The following GATB variants were observed in gnomAD, a reference collection of about 807,000 sequenced individuals.
The protein encoded by GATB is glutamyl-tRNA(Gln) amidotransferase subunit B, mitochondrial.
GATB carries 39 observed loss-of-function variants against 62.3 expected under a neutral mutation model. That is an observed-to-expected ratio of 0.63 (90% CI 0.48 to 0.82). The LOEUF (loss-of-function observed/expected upper bound fraction) is 0.82. Ranked by LOEUF, GATB falls within the 40% of genes least tolerant of loss-of-function variation. The pLI, the probability that GATB is intolerant of heterozygous loss-of-function variation, is 0.00. For missense variants in GATB, 670 were observed against 684.0 expected, an observed-to-expected ratio of 0.98 and a Z score of 0.23; for synonymous variants, 276 against 258.9, an observed-to-expected ratio of 1.07 and a Z score of -0.63.
chr4:151,740,892 T>C (rs1289251591), intron 2 of GATB, among the ~76,000 whole-genome samples: 2 of 152,146 alleles, frequency 1.3e-5, no homozygotes, highest in East Asian at 1.9e-4. Context: ...GAGACAAAAA[T>C]AGTGTCACAG....
chr4:151,731,815 G>A (rs1459803156), intron 2 of GATB, among the ~76,000 whole-genome samples: 1 of 151,240 alleles, frequency 6.6e-6, no homozygotes, highest in Admixed American at 6.6e-5. Flanking sequence ...CCCCGTCTGA[G>A]AAGTGAGGAG....
intron 1 of GATB, among the ~76,000 whole-genome samples, chr4:151,759,745 T>C (rs1305836651): frequency 1.3e-5 from 2 of 152,184 alleles, no homozygotes; most frequent in Non-Finnish European, 1.5e-5. Flanking sequence ...ATGAAATCCA[T>C]GTATGTTCCT....
intron 2 of GATB, chr4:151,722,482 A>G (rs572555593): frequency 2.6e-5 from 11 of 430,312 alleles, no homozygotes; most frequent in South Asian, 1.5e-4. Context: ...TCCTGCCTAC[A>G]TCTTCAATTT....
chr4:151,695,077 C>T (rs184355236), intron 9 of GATB, among the ~76,000 whole-genome samples: 350 of 152,312 alleles, frequency 2.3e-3, no homozygotes, highest in Non-Finnish European at 4.0e-3. Flanking sequence ...GCCCAGGGTG[C>T]TGATTCGAGG....
chr4:151,686,074 A>C (rs935660673), intron 10 of GATB, among the ~76,000 whole-genome samples: 5 of 151,404 alleles, frequency 3.3e-5, no homozygotes, highest in Non-Finnish European at 7.4e-5. Flanking sequence ...AAAACAAAAA[A>C]AAGACAAAGA....
chr4:151,679,994 T>G lies in GATB; in HGVS notation c.1332-103A>C, dbSNP rs907237. On this transcript the variant is annotated intron_variant, in intron 10 of 12. Coordinates refer to ENST00000263985, the MANE Select transcript of GATB (RefSeq NM_004564.3). ...ACACTTGCTCTAGTGGGGGTAAATA[T>G]CGGACCCACGCCTAGGGATGAAAAC... The G allele has an allele frequency of 0.51, 501,936 of 977,720 alleles. 131,789 individuals carry two copies. Among genetic ancestry groups the G allele is most frequent in the African/African-American group, 0.77 (48,127 of 62,750 alleles). The allele number at this position is 977,720 out of a possible 1,614,324, so 60.6% of individuals were successfully genotyped here.
intron 2 of GATB, among the ~76,000 whole-genome samples, chr4:151,753,801 A>G (rs1367646790): frequency 1.3e-5 from 2 of 151,860 alleles, no homozygotes; most frequent in Non-Finnish European, 2.9e-5. Flanking sequence ...CAATATTAAG[A>G]AAGACATGAC....
In GATB at chr4:151,712,118, A is replaced by C. The variant is rs554085191; in HGVS notation, c.763+3891T>G. ...ATTTAGAATTCTAATTTGGAAGAGG[A>C]ATAAAAGCATGAGTTTCGGTCTCTC... On this transcript the variant is annotated intron_variant, in intron 5 of 12. Coordinates refer to ENST00000263985, the MANE Select transcript of GATB (RefSeq NM_004564.3). 3.3e-5 allele frequency among the ~76,000 whole-genome samples: 5 copies of C among 152,318 alleles called. No homozygotes were observed. The South Asian group carries it at 1.0e-3, about 32-fold the overall frequency.
rs565154494 is a variant in GATB at position 151,717,048 on chromosome 4, C to T, written c.468G>A (p.Arg156=). 3.7e-6 allele frequency: 6 copies of T among 1,614,120 alleles called. No individual in the cohort carries two copies. Among genetic ancestry groups the T allele is most frequent in the Non-Finnish European group, 5.1e-6 (6 of 1,180,032 alleles). The part of the protein sequence containing the change: ...LPAGYQITQQ[R]LPIAVNGSLI... ...AGCTCCCATTCACAGCAATTGGGAG[C>T]CTCTGCTGGGTAATTTGGTAGCCTG... The change falls in exon 4 of 13, where the codon AGG becomes AGA. Residue 156 remains arginine, a synonymous_variant. Coordinates refer to ENST00000263985, the MANE Select transcript of GATB (RefSeq NM_004564.3).
chr4:151,710,100 C>T (rs964374571), intron 5 of GATB, among the ~76,000 whole-genome samples: 1 of 152,144 alleles, frequency 6.6e-6, no homozygotes, highest in South Asian at 2.1e-4. Context: ...TGGTGGGTCC[C>T]CTAAACTATC....
At chr4:151,760,507 T>C (rs142111024) in intron 1 of GATB, among the ~76,000 whole-genome samples, 21 of 152,336 alleles carry the variant, frequency 1.4e-4, no homozygotes, top group Middle Eastern at 3.4e-3. Flanking sequence ...CCACTGCTAG[T>C]GCTATTAGTA....
chr4:151,748,518 G>C (rs1485153254), intron 2 of GATB, among the ~76,000 whole-genome samples: 1 of 152,012 alleles, frequency 6.6e-6, no homozygotes, highest in African/African-American at 2.4e-5. Flanking sequence ...AATTCAAGAT[G>C]GATTAAAGAC....
chr4:151,672,551 T>A (rs1412839785), intron 12 of GATB: 9 of 559,822 alleles, frequency 1.6e-5, no homozygotes, highest in Non-Finnish European at 2.8e-5. Flanking sequence ...GGTGGCATCC[T>A]TCTTATAGGA....
At chr4:151,708,685 A>G (rs1738762768) in intron 5 of GATB, among the ~76,000 whole-genome samples, 1 of 152,226 alleles carries the variant, frequency 6.6e-6, no homozygotes, top group Admixed American at 6.5e-5. Context: ...TTCCTTCCAC[A>G]AACATGACTC....
intron 2 of GATB, among the ~76,000 whole-genome samples, chr4:151,747,292 A>G (rs1739622102): frequency 1.3e-5 from 2 of 152,184 alleles, no homozygotes; most frequent in Admixed American, 1.3e-4. Context: ...TGTGAGCCAA[A>G]AAATTCTAGT....
intron 2 of GATB, among the ~76,000 whole-genome samples, chr4:151,756,432 G>A (rs897621292): frequency 6.6e-6 from 1 of 152,198 alleles, no homozygotes; most frequent in African/African-American, 2.4e-5. Context: ...GAATGGCAAT[G>A]CTTAATTCTG....
At chr4:151,687,761 C>G (rs1260863583) in intron 10 of GATB, among the ~76,000 whole-genome samples, 1 of 152,144 alleles carries the variant, frequency 6.6e-6, no homozygotes, top group East Asian at 1.9e-4. Context: ...TGTTTCACCC[C>G]TCAACTCCTG....
At chr4:151,705,306 T>A in intron 6 of GATB, 37 bp from the exon 7 acceptor site, 1 of 1,302,952 alleles carries the variant, frequency 7.7e-7, no homozygotes, top group Non-Finnish European at 1.1e-6. Flanking sequence ...CATATTTTGA[T>A]TATACCTTTC....
intron 2 of GATB, among the ~76,000 whole-genome samples, chr4:151,726,462 T>C (rs983726649): frequency 9.2e-5 from 14 of 152,236 alleles, no homozygotes; most frequent in Non-Finnish European, 1.6e-4. Flanking sequence ...GGTACTCCTT[T>C]TATGCAGGTA....
Sources: gnomAD v4.1 joint callset for allele counts (sites outside exome capture counted in the v4.1 genomes callset) on GRCh38, gnomAD v4.1.1 for gene constraint, MANE v1.5 for transcripts, NCBI Gene and HGNC (gene_info 2026-07-23, HGNC 2026-07-21) for gene names.